The following ADAM32 variants were observed in gnomAD, a reference collection of about 807,000 sequenced individuals.
ADAM32 encodes the protein ADAM metallopeptidase domain 32, also known as disintegrin and metalloproteinase domain-containing protein 32.
A neutral mutation model predicts 114.9 loss-of-function variants in ADAM32; 89 were observed. The observed-to-expected ratio is 0.77, with a 90% CI of 0.65 to 0.92. The LOEUF is 0.92. ADAM32 is among the 40% of genes least tolerant of loss of function. The pLI is 0.00. For missense variants in ADAM32, 870 were observed against 932.8 expected (o/e 0.93, Z 0.88); for synonymous variants, 285 against 307.5 (o/e 0.93, Z 0.77).
chr8:39,147,109 T>C, intron 3 of ADAM32, 21 bp from the exon 4 acceptor site: 1 of 902,468 alleles, frequency 1.1e-6, no homozygotes, highest in East Asian at 3.8e-5. Flanking sequence ...TTAAAAAAAT[T>C]TCCTCTTTTT....
At chr8:39,274,967 T>C (rs928682002) in intron 21 of ADAM32, among the ~76,000 whole-genome samples, 2 of 152,246 alleles carry the variant, frequency 1.3e-5, no homozygotes, top group African/African-American at 4.8e-5. Flanking sequence ...CCTATACGTG[T>C]AAAGAATTAA....
At chr8:39,243,822 TTGA>T (rs1162779218) in intron 16 of ADAM32, among the ~76,000 whole-genome samples, 1 of 152,120 alleles carries the variant, frequency 6.6e-6, no homozygotes, top group Non-Finnish European at 1.5e-5. Flanking sequence ...AGTATTCAAA[TTGA>T]TGATGAGGAA....
At chr8:39,127,222 A>G (rs1390432636) in intron 2 of ADAM32, among the ~76,000 whole-genome samples, 1 of 152,004 alleles carries the variant, frequency 6.6e-6, no homozygotes, top group Non-Finnish European at 1.5e-5. Context: ...TTTCAACTGT[A>G]TAGATAGTTT....
intron 1 of ADAM32, among the ~76,000 whole-genome samples, chr8:39,116,219 C>A (rs77522396): frequency 6.6e-6 from 1 of 152,054 alleles, no homozygotes; most frequent in Admixed American, 6.6e-5. Context: ...GCTCTTTGGG[C>A]TCTTTTATGG....
At chr8:39,210,848 G>A (rs574956451) in intron 11 of ADAM32, among the ~76,000 whole-genome samples, 15 of 151,866 alleles carry the variant, frequency 9.9e-5, no homozygotes, top group Middle Eastern at 3.4e-3. Context: ...TCCAAATCTG[G>A]GTGCTGATTT....
At chr8:39,237,772 C>A (rs1259512446) in intron 16 of ADAM32, among the ~76,000 whole-genome samples, 2 of 152,174 alleles carry the variant, frequency 1.3e-5, no homozygotes, top group East Asian at 3.9e-4. Flanking sequence ...CAACTCTGCC[C>A]TCATCTGATG....
At chr8:39,159,425 G>T (rs528571596) in intron 6 of ADAM32, among the ~76,000 whole-genome samples, 7 of 152,292 alleles carry the variant, frequency 4.6e-5, no homozygotes, top group African/African-American at 1.7e-4. Flanking sequence ...ATGTCTGAAA[G>T]CCAGGCAGAG....
chr8:39,203,639 T>C (rs1657792236), intron 11 of ADAM32, among the ~76,000 whole-genome samples: 1 of 152,202 alleles, frequency 6.6e-6, no homozygotes, highest in African/African-American at 2.4e-5. Flanking sequence ...ACAATTAAGG[T>C]TAATATTGTT....
chr8:39,205,764 C>T (rs1214264500), intron 11 of ADAM32, among the ~76,000 whole-genome samples: 1 of 152,172 alleles, frequency 6.6e-6, no homozygotes, highest in Non-Finnish European at 1.5e-5. Context: ...ATCTTGGAAC[C>T]TCCTTAAAAT....
At chr8:39,258,042 C>T (rs1054929977) in intron 19 of ADAM32, among the ~76,000 whole-genome samples, 4 of 151,966 alleles carry the variant, frequency 2.6e-5, no homozygotes, top group Non-Finnish European at 5.9e-5. Context: ...ATCCCATAAC[C>T]TACCTAGTAT....
intron 23 of ADAM32, 28 bp from the exon 24 acceptor site, chr8:39,283,558 T>A: frequency 6.4e-7 from 1 of 1,562,360 alleles, no homozygotes; most frequent in Non-Finnish European, 8.7e-7. Flanking sequence ...TATATCAGCC[T>A]AAAAATGTTA....
intron 24 of ADAM32, among the ~76,000 whole-genome samples, 165 bp downstream of exon 24, chr8:39,283,789 T>G (rs1490848976): frequency 6.6e-6 from 1 of 150,644 alleles, no homozygotes; most frequent in Admixed American, 6.6e-5. Flanking sequence ...TTTTTTTTTT[T>G]TTAAGACAGA....
At chr8:39,273,010 A>G (rs1585698415) in intron 20 of ADAM32, among the ~76,000 whole-genome samples, 1 of 151,962 alleles carries the variant, frequency 6.6e-6, no homozygotes, top group Non-Finnish European at 1.5e-5. Context: ...CAGGGTCAAG[A>G]CAGCCAATAT....
intron 11 of ADAM32, among the ~76,000 whole-genome samples, chr8:39,202,617 G>T (rs1004014016): frequency 2.6e-5 from 4 of 151,940 alleles, no homozygotes; most frequent in Admixed American, 6.6e-5. Context: ...GTTTTCTTTT[G>T]TATCTCTATC....
intron 18 of ADAM32, among the ~76,000 whole-genome samples, chr8:39,255,560 A>C (rs530383970): frequency 5.3e-5 from 8 of 151,818 alleles, no homozygotes; most frequent in Non-Finnish European, 8.8e-5. Flanking sequence ...TCCTTAGCCC[A>C]TGTTTTGATG....
intron 10 of ADAM32, among the ~76,000 whole-genome samples, chr8:39,178,055 G>A (rs541888854): frequency 2.3e-4 from 35 of 152,190 alleles, no homozygotes; most frequent in Admixed American, 5.9e-4. Context: ...GAATTTGAAT[G>A]TTGGTCTGTC....
At chr8:39,244,089 T>C (rs1221912355) in intron 16 of ADAM32, among the ~76,000 whole-genome samples, 1 of 152,062 alleles carries the variant, frequency 6.6e-6, no homozygotes, top group East Asian at 1.9e-4. Flanking sequence ...AAAGGAAAAC[T>C]GTGAAACATT....
chr8:39,238,366 C>T (rs970021597), intron 16 of ADAM32, among the ~76,000 whole-genome samples: 1 of 152,174 alleles, frequency 6.6e-6, no homozygotes. Flanking sequence ...AGCCCTATCC[C>T]TAAGGGAAGG....
intron 14 of ADAM32, among the ~76,000 whole-genome samples, chr8:39,228,411 A>C (rs1809534277): frequency 6.6e-6 from 1 of 152,238 alleles, no homozygotes; most frequent in African/African-American, 2.4e-5. Flanking sequence ...GAGAAGCCGA[A>C]TGCAAGGAAA....
Sources: allele counts gnomAD v4.1 joint callset (sites outside exome capture counted in the v4.1 genomes callset), GRCh38; gene constraint gnomAD v4.1.1; transcripts MANE v1.5; gene names NCBI Gene and HGNC (gene_info 2026-07-23, HGNC 2026-07-21).